The following GAB2 variants were observed in gnomAD, a reference collection of about 807,000 sequenced individuals.
The protein encoded by GAB2 is GRB2-associated-binding protein 2.
GAB2 carries 26 observed loss-of-function variants against 65.5 expected under a neutral mutation model. The observed-to-expected ratio is 0.40, with a 90% CI of 0.29 to 0.55. The LOEUF is 0.55. GAB2 is among the 20% of genes least tolerant of loss of function. The probability of loss-of-function intolerance (pLI) is 0.53; values close to 1 mark genes in which losing one functional copy is unlikely to be tolerated. For missense variants in GAB2, 884 were observed against 875.8 expected, an observed-to-expected ratio of 1.01 and a Z score of -0.12; for synonymous variants, 321 against 329.6, an observed-to-expected ratio of 0.97 and a Z score of 0.28.
At chr11:78,400,663 G>T (rs930418664) in intron 1 of GAB2, among the ~76,000 whole-genome samples, 2 of 152,088 alleles carry the variant, frequency 1.3e-5, no homozygotes, top group Admixed American at 1.3e-4. Context: ...AGCACTTTGG[G>T]AGGCTGAGGC....
intron 2 of GAB2, among the ~76,000 whole-genome samples, chr11:78,273,469 C>T (rs1426528317): frequency 6.6e-6 from 1 of 152,230 alleles, no homozygotes; most frequent in African/African-American, 2.4e-5. Context: ...TGCATGGGGC[C>T]TGTAGCCCCT....
At position 78,277,549 on chromosome 11, in the gene GAB2, A is replaced by G. The variant is rs547023288; in HGVS notation, c.376+3052T>C. Among the ~76,000 whole-genome samples, 4 of 152,356 alleles carry G rather than the reference A, an allele frequency of 2.6e-5. No individual in the cohort carries two copies. The East Asian group carries it at 7.7e-4, about 29-fold the overall frequency. On this transcript the variant is annotated intron_variant, in intron 2 of 9. Transcript: ENST00000361507. ...GGAGATAGGCAAGTCTCAAGCACGC[A>G]CACTATGAGGCAAAATGGTCGAGTT... is the stretch of plus-strand genomic sequence containing the variant.
intron 1 of GAB2, among the ~76,000 whole-genome samples, chr11:78,409,810 C>T (rs1857103775): frequency 2.0e-5 from 3 of 152,068 alleles, no homozygotes; most frequent in African/African-American, 7.2e-5. Context: ...CCAATAATAG[C>T]AGAATAAACA....
intron 1 of GAB2, among the ~76,000 whole-genome samples, chr11:78,347,175 G>A (rs1856205243): frequency 6.6e-6 from 1 of 152,158 alleles, no homozygotes; most frequent in African/African-American, 2.4e-5. Context: ...ACCAAAAAAA[G>A]TTGTATTTAA....
intron 1 of GAB2, among the ~76,000 whole-genome samples, chr11:78,412,581 T>G (rs1261581415): frequency 6.6e-6 from 1 of 152,242 alleles, no homozygotes; most frequent in Non-Finnish European, 1.5e-5. Context: ...GTATCTTGAC[T>G]GTATCATTGT....
At chr11:78,363,182 C>T (rs1856456141) in intron 1 of GAB2, among the ~76,000 whole-genome samples, 1 of 152,228 alleles carries the variant, frequency 6.6e-6, no homozygotes, top group South Asian at 2.1e-4. Flanking sequence ...TTCTTCCTGT[C>T]TGGTTCTGGT....
chr11:78,234,249 CT>C (rs1373991194), intron 3 of GAB2, among the ~76,000 whole-genome samples: 1 of 152,014 alleles, frequency 6.6e-6, no homozygotes, highest in Non-Finnish European at 1.5e-5. Context: ...TGCCTGGCTA[CT>C]TTTTGTATTT....
chr11:78,272,072 G>T (rs552263261), intron 2 of GAB2, among the ~76,000 whole-genome samples: 1 of 152,192 alleles, frequency 6.6e-6, no homozygotes, highest in Non-Finnish European at 1.5e-5. Context: ...CCAGCCACAT[G>T]GAACTGTAAC....
intron 1 of GAB2, among the ~76,000 whole-genome samples, chr11:78,338,120 T>C (rs1481458928): frequency 1.3e-5 from 2 of 152,268 alleles, no homozygotes; most frequent in Non-Finnish European, 2.9e-5. Context: ...AAGTGAATTA[T>C]CTGTTACCAT....
At chr11:78,286,947 C>T (rs569748911) in intron 1 of GAB2, among the ~76,000 whole-genome samples, 42 of 152,238 alleles carry the variant, frequency 2.8e-4, no homozygotes, top group South Asian at 6.2e-4. Flanking sequence ...ACTGTTCTAA[C>T]GTCTATATAA....
At chr11:78,328,415 C>T (rs1236495742) in intron 1 of GAB2, among the ~76,000 whole-genome samples, 1 of 152,118 alleles carries the variant, frequency 6.6e-6, no homozygotes, top group Non-Finnish European at 1.5e-5. Context: ...GAACTCTGTA[C>T]CATCTTCTCA....
chr11:78,283,193 CACAA>C (rs1866378045), intron 1 of GAB2, among the ~76,000 whole-genome samples: 4 of 152,182 alleles, frequency 2.6e-5, no homozygotes, highest in Admixed American at 1.3e-4. Context: ...CATGAGAAAA[CACAA>C]ACAATCAAAA....
At chr11:78,342,738 T>A (rs1382560867) in intron 1 of GAB2, among the ~76,000 whole-genome samples, 1 of 152,176 alleles carries the variant, frequency 6.6e-6, no homozygotes, top group Non-Finnish European at 1.5e-5. Flanking sequence ...ACAAAAAGAC[T>A]TGTGTGGTAG....
intron 1 of GAB2, among the ~76,000 whole-genome samples, chr11:78,329,686 A>ATT (rs1413143402): frequency 3.3e-5 from 5 of 152,206 alleles, no homozygotes; most frequent in African/African-American, 4.8e-5. Flanking sequence ...GAAAAGCATG[A>ATT]TTTTATGGAA....
At chr11:78,330,731 T>C (rs1855900555) in intron 1 of GAB2, among the ~76,000 whole-genome samples, 1 of 152,222 alleles carries the variant, frequency 6.6e-6, no homozygotes, top group African/African-American at 2.4e-5. Flanking sequence ...CCCTCCTTTT[T>C]TGGTTAACAT....
chr11:78,295,817 C>A (rs1866808099), intron 1 of GAB2, among the ~76,000 whole-genome samples: 1 of 152,114 alleles, frequency 6.6e-6, no homozygotes, highest in South Asian at 2.1e-4. Context: ...GGAGAACTTT[C>A]AGGAAAAGAG....
intron 1 of GAB2, among the ~76,000 whole-genome samples, chr11:78,401,668 T>A (rs1233563007): frequency 6.6e-6 from 1 of 152,138 alleles, no homozygotes; most frequent in African/African-American, 2.4e-5. Context: ...CGTGTGTGTA[T>A]ATATATGTAT....
At chr11:78,221,029 A>G (rs1186151961) in intron 8 of GAB2, among the ~76,000 whole-genome samples, 1 of 152,172 alleles carries the variant, frequency 6.6e-6, no homozygotes, top group Non-Finnish European at 1.5e-5. Flanking sequence ...AGGCTGCACA[A>G]GCCCGCATTT....
chr11:78,300,684 GGTTTTTTTTTGT>G (rs1388792650), intron 1 of GAB2, among the ~76,000 whole-genome samples: 9 of 134,010 alleles, frequency 6.7e-5, no homozygotes, highest in African/African-American at 2.4e-4. Flanking sequence ...TTTTTTTTTT[GGTTTTTTTTTGT>G]TTTTTTTTTT....
Sources: gnomAD v4.1 joint callset for allele counts (sites outside exome capture counted in the v4.1 genomes callset) on GRCh38, gnomAD v4.1.1 for gene constraint, MANE v1.5 for transcripts, NCBI Gene and HGNC (gene_info 2026-07-23, HGNC 2026-07-21) for gene names.